Variants in CAPZB observed in about 807,000 individuals in gnomAD.
CAPZB encodes capping actin protein of muscle Z-line subunit beta, also known as F-actin-capping protein subunit beta.
CAPZB carries 2 observed loss-of-function variants against 38.1 expected under a neutral mutation model. That is an observed-to-expected ratio of 0.05 (90% CI 0.02 to 0.17). CAPZB has a LOEUF of 0.17. Ranked by LOEUF, CAPZB falls within the 10% of genes least tolerant of loss-of-function variation. The pLI, the probability that CAPZB is intolerant of heterozygous loss-of-function variation, is 1.00. For missense variants in CAPZB, 161 were observed against 334.2 expected (o/e 0.48, Z 4.04); for synonymous variants, 107 against 127.4 (o/e 0.84, Z 1.08).
At chr1:19,363,048 C>T (rs773966876) in intron 4 of CAPZB, among the ~76,000 whole-genome samples, 2 of 152,078 alleles carry the variant, frequency 1.3e-5, no homozygotes, top group Admixed American at 6.6e-5. Flanking sequence ...CCAACGGTCC[C>T]GGCGCCTTTT....
intron 1 of CAPZB, among the ~76,000 whole-genome samples, chr1:19,436,936 C>T (rs2094460039): frequency 6.6e-6 from 1 of 152,248 alleles, no homozygotes; most frequent in Non-Finnish European, 1.5e-5. Flanking sequence ...GGACTGCAGA[C>T]ACCAGGAAGA....
intron 1 of CAPZB, among the ~76,000 whole-genome samples, chr1:19,485,134 T>G: frequency 6.6e-6 from 1 of 152,078 alleles, no homozygotes; most frequent in East Asian, 1.9e-4. Flanking sequence ...GGGACACGGT[T>G]CGGGAGGGAG....
At chr1:19,389,658 C>T (rs1017852402) in intron 2 of CAPZB, among the ~76,000 whole-genome samples, 1 of 152,152 alleles carries the variant, frequency 6.6e-6, no homozygotes, top group Non-Finnish European at 1.5e-5. Context: ...TATCTCCTAA[C>T]CTCATGATCC....
intron 2 of CAPZB, among the ~76,000 whole-genome samples, chr1:19,400,284 G>C (rs2094296191): frequency 6.6e-6 from 1 of 152,202 alleles, no homozygotes; most frequent in East Asian, 1.9e-4. Flanking sequence ...CAGTTAAAGG[G>C]GGTGATGATG....
Position 19,419,734 on chromosome 1 carries a change from T to C in CAPZB, c.20A>G (p.Asp7Gly). The C allele has an allele frequency of 6.3e-7, 1 of 1,584,084 alleles. No homozygotes were observed. Among genetic ancestry groups the C allele is most frequent in the South Asian group, 1.1e-5 (1 of 87,188 alleles). MSDQQL[D>G]CALDLMRRLP... is the part of the protein sequence containing the mutation. Reference sequence around the variant, plus strand: ...GCGCCTCATTAGGTCCAAGGCACAGTCCAGCTGCTGATCACTCTGTGGAGG... The same window carrying C: ...GCGCCTCATTAGGTCCAAGGCACAGCCCAGCTGCTGATCACTCTGTGGAGG... Residue 7 changes from aspartate (D) to glycine (G), a missense_variant, in exon 2 of 9, where the codon GAC becomes GGC. By Grantham distance (94) the Asp-to-Gly change is moderately conservative. Coordinates refer to ENST00000264202, the MANE Select transcript of CAPZB (RefSeq NM_004930.5).
chr1:19,355,399 G>A (rs2094015094), intron 6 of CAPZB, among the ~76,000 whole-genome samples: 1 of 151,686 alleles, frequency 6.6e-6, no homozygotes. Flanking sequence ...GGAGGCTGAG[G>A]CAGGAGAATC....
intron 4 of CAPZB, among the ~76,000 whole-genome samples, chr1:19,368,089 A>C (rs2094100008): frequency 6.6e-6 from 1 of 152,138 alleles, no homozygotes; most frequent in Admixed American, 6.6e-5. Flanking sequence ...GGCTTTGCAT[A>C]TCTTTTTTTT....
intron 6 of CAPZB, among the ~76,000 whole-genome samples, chr1:19,351,510 GTGCAACTGTTGCCCAGGTTGGTCT>G (rs2093991515): frequency 6.6e-6 from 1 of 152,106 alleles, no homozygotes; most frequent in African/African-American, 2.4e-5. Flanking sequence ...GTGGGGGGCA[GTGCAACTGTTGCCCAGGTTGGTCT>G]TGAACCCCTG....
At chr1:19,361,800 C>T (rs1056441240) in intron 4 of CAPZB, among the ~76,000 whole-genome samples, 3 of 152,160 alleles carry the variant, frequency 2.0e-5, no homozygotes, top group African/African-American at 7.2e-5. Flanking sequence ...AGGAGTCGCC[C>T]GCCAGAATTA....
intron 2 of CAPZB, among the ~76,000 whole-genome samples, chr1:19,404,605 G>A (rs1230658880): frequency 1.3e-5 from 2 of 150,012 alleles, no homozygotes; most frequent in Admixed American, 6.6e-5. Flanking sequence ...TGCAAGATCT[G>A]AGCTCACCTC....
intron 1 of CAPZB, chr1:19,484,132 C>A (rs532307914): frequency 1.3e-6 from 2 of 1,564,352 alleles, no homozygotes; most frequent in East Asian, 2.3e-5. Flanking sequence ...CATCTGCCTT[C>A]TTTACCAAAA....
intron 4 of CAPZB, among the ~76,000 whole-genome samples, chr1:19,375,806 T>A (rs1187997772): frequency 1.3e-5 from 2 of 152,338 alleles, no homozygotes; most frequent in East Asian, 3.9e-4. Flanking sequence ...CCAGCTTGAG[T>A]ACTTATCTGA....
intron 4 of CAPZB, among the ~76,000 whole-genome samples, chr1:19,371,527 C>T (rs746871622): frequency 1.1e-4 from 16 of 152,186 alleles, no homozygotes; most frequent in Non-Finnish European, 1.9e-4. Flanking sequence ...CTCGCCCAGT[C>T]AGTCAGCAAG....
At chr1:19,406,623 C>G (rs1481267465) in intron 2 of CAPZB, among the ~76,000 whole-genome samples, 1 of 152,164 alleles carries the variant, frequency 6.6e-6, no homozygotes, top group Non-Finnish European at 1.5e-5. Flanking sequence ...GGGTAGATCC[C>G]AACTCTGCTC....
intron 2 of CAPZB, among the ~76,000 whole-genome samples, chr1:19,416,902 G>C (rs2094382435): frequency 7.4e-6 from 1 of 135,224 alleles, no homozygotes; most frequent in African/African-American, 3.0e-5. Flanking sequence ...TGCTCTGACA[G>C]TAATCTATAG....
chr1:19,484,471 G>C, intron 1 of CAPZB: 1 of 1,448,814 alleles, frequency 6.9e-7, no homozygotes, highest in South Asian at 1.3e-5. Flanking sequence ...CACGGCGGCA[G>C]CCTCGAGAAG....
chr1:19,419,051 T>C (rs965294425), intron 2 of CAPZB, among the ~76,000 whole-genome samples: 6 of 152,228 alleles, frequency 3.9e-5, no homozygotes, highest in Admixed American at 2.6e-4. Context: ...TTATAGATGT[T>C]TTTGAATATT....
intron 4 of CAPZB, among the ~76,000 whole-genome samples, chr1:19,369,463 T>C (rs2094108564): frequency 1.3e-5 from 2 of 152,224 alleles, no homozygotes; most frequent in Admixed American, 1.3e-4. Context: ...TCTGGCACTT[T>C]CTCACAAGCC....
chr1:19,413,873 G>A (rs1002181378), intron 2 of CAPZB, among the ~76,000 whole-genome samples: 7 of 152,142 alleles, frequency 4.6e-5, no homozygotes, highest in Admixed American at 6.5e-5. Flanking sequence ...ACTGAGTTTT[G>A]CTTCACTCCA....
Sources: allele counts gnomAD v4.1 joint callset (sites outside exome capture counted in the v4.1 genomes callset), GRCh38; gene constraint gnomAD v4.1.1; transcripts MANE v1.5; gene names NCBI Gene and HGNC (gene_info 2026-07-23, HGNC 2026-07-21).